LYST: variants seen among roughly 807,000 people sequenced by gnomAD.
LYST encodes lysosomal-trafficking regulator.
In LYST, 192 loss-of-function variants were observed where a neutral mutation model predicts 413.6. The observed-to-expected ratio is 0.46, with a 90% CI of 0.41 to 0.52. The LOEUF (loss-of-function observed/expected upper bound fraction) is 0.52. LYST is among the 20% of genes least tolerant of loss of function. The pLI is 0.00. For synonymous variants in LYST, 1,525 were observed against 1,567.3 expected, an observed-to-expected ratio of 0.97 and a Z score of 0.64; for missense variants, 3,815 against 4,499.9, an observed-to-expected ratio of 0.85 and a Z score of 4.35.
At chr1:235,866,016 C>T (rs1680462119) in intron 1 of LYST, among the ~76,000 whole-genome samples, 1 of 152,098 alleles carries the variant, frequency 6.6e-6, no homozygotes, top group South Asian at 2.1e-4. Context: ...CCGAGCGGAT[C>T]GGGGATGTTT....
At position 235,720,762 on chromosome 1, in the gene LYST, A is replaced by G. The variant is rs1348966605; in HGVS notation, c.9459T>C (p.Ala3153=). The change falls in exon 40 of 53, where the codon GCT becomes GCC. Residue 3153 remains alanine (A), a synonymous_variant. Coordinates refer to ENST00000389793, the MANE Select transcript of LYST (RefSeq NM_000081.4). Reference sequence around the variant, plus strand: ...GCATGAGATCATTGAAGGATCGGCCAGCATGTTTGTTTAAGTGAGTCAAAT... The same window carrying G: ...GCATGAGATCATTGAAGGATCGGCCGGCATGTTTGTTTAAGTGAGTCAAAT... ...FEYLTHLNKH[A]GRSFNDLMQY... 1 of 1,614,166 alleles carries G rather than the reference A, an allele frequency of 6.2e-7. No individual in the cohort carries two copies. The highest frequency in any genetic ancestry group is 8.5e-7 in the Non-Finnish European group (1 of 1,180,010).
chr1:235,688,478 A>T (rs1356455247), intron 47 of LYST, among the ~76,000 whole-genome samples: 3 of 152,200 alleles, frequency 2.0e-5, no homozygotes, highest in Non-Finnish European at 4.4e-5. Context: ...AGAAGGCTGG[A>T]GACACCACTT....
intron 43 of LYST, 103 bp from the exon 44 acceptor site, chr1:235,709,411 A>G (rs1308771616): frequency 2.2e-6 from 2 of 908,494 alleles, no homozygotes; most frequent in Non-Finnish European, 3.5e-6. Flanking sequence ...TTTGTGTGCT[A>G]CAACCAAAAA....
chr1:235,732,605 G>A (rs1664480586), intron 34 of LYST, among the ~76,000 whole-genome samples: 3 of 152,212 alleles, frequency 2.0e-5, no homozygotes, highest in Non-Finnish European at 2.9e-5. Flanking sequence ...AGTAAGGACA[G>A]CTAATATCCT....
chr1:235,714,864 T>G (rs1662699672), intron 42 of LYST, among the ~76,000 whole-genome samples: 1 of 152,210 alleles, frequency 6.6e-6, no homozygotes, highest in Non-Finnish European at 1.5e-5. Flanking sequence ...GGATTTGAAA[T>G]AAGTATTAGG....
intron 1 of LYST, among the ~76,000 whole-genome samples, chr1:235,852,606 T>C (rs1188504302): frequency 1.3e-5 from 2 of 152,220 alleles, no homozygotes; most frequent in Admixed American, 1.3e-4. Flanking sequence ...AACACAGTCA[T>C]ATGTAAGACG....
intron 3 of LYST, among the ~76,000 whole-genome samples, chr1:235,816,031 G>A (rs536363402): frequency 4.8e-5 from 7 of 144,566 alleles, no homozygotes; most frequent in Admixed American, 1.4e-4. Context: ...TCAGGAGGTT[G>A]AGGCAGAAGA....
At chr1:235,851,745 C>T (rs1481211502) in intron 1 of LYST, among the ~76,000 whole-genome samples, 3 of 151,894 alleles carry the variant, frequency 2.0e-5, no homozygotes, top group Non-Finnish European at 2.9e-5. Context: ...CTGGTACTCA[C>T]TAAATAGGGG....
At chr1:235,810,646 T>C (rs1273491035) in intron 4 of LYST, 112 bp from the exon 5 acceptor site, 9 of 948,472 alleles carry the variant, frequency 9.5e-6, no homozygotes, top group Non-Finnish European at 1.5e-5. Flanking sequence ...TTATCCTCAA[T>C]GTATTTTGCT....
intron 1 of LYST, among the ~76,000 whole-genome samples, chr1:235,847,613 T>G (rs1462923837): frequency 1.3e-5 from 2 of 152,126 alleles, no homozygotes; most frequent in East Asian, 3.9e-4. Context: ...AACCACAGAA[T>G]GGATAAGAAT....
At chr1:235,737,941 C>G in intron 31 of LYST, 5 of 1,208,770 alleles carry the variant, frequency 4.1e-6, no homozygotes, top group Admixed American at 4.2e-5. Context: ...GCCGCGTGCC[C>G]CAACACCCGC....
At chr1:235,744,898 A>G (rs1334832721) in intron 29 of LYST, among the ~76,000 whole-genome samples, 4 of 120,872 alleles carry the variant, frequency 3.3e-5, no homozygotes, top group African/African-American at 1.4e-4. Context: ...ATCTCAAAAA[A>G]AAAAAGAAAA....
At chr1:235,805,245 G>A (rs1336672261) in intron 6 of LYST, among the ~76,000 whole-genome samples, 2 of 152,186 alleles carry the variant, frequency 1.3e-5, no homozygotes, top group Non-Finnish European at 2.9e-5. Context: ...GGTTTTAGGA[G>A]AAGTCTCGTC....
rs140698096 is a variant in LYST at position 235,809,502 on chromosome 1, T to C, written c.1316A>G (p.His439Arg). ...TGTTTCAAATAAATTAAATCCATGA[T>C]GCTGAATGAATTCTTGAACCAAATC... ...AMDLVQEFIQHHGFNLFETAV... is the reference protein window; with the variant it reads ...AMDLVQEFIQRHGFNLFETAV... Residue 439 changes from histidine to arginine, a missense_variant, in exon 5 of 53, where the codon CAT (histidine) becomes CGT (arginine). This residue lies in a region of LYST where 1,648 missense variants were observed against 1,810.3 expected (regional missense o/e 0.91). Coordinates refer to ENST00000389793, the MANE Select transcript of LYST (RefSeq NM_000081.4). This position sits in a 1 kb window ranked among gnomAD's most constrained non-coding sequence, Gnocchi z 4.0. 2.5e-6 allele frequency: 4 copies of C among 1,614,068 alleles called. No individual in the cohort carries two copies. The African/African-American group carries it at 4.0e-5, about 16-fold the overall frequency.
chr1:235,805,876 T>C lies in LYST; in HGVS notation c.3260A>G (p.Glu1087Gly). 6.2e-7 allele frequency: 1 copy of C among 1,613,804 alleles called. No homozygotes were observed. The highest frequency in any genetic ancestry group is 8.5e-7 in the Non-Finnish European group (1 of 1,179,916). Residue 1087 changes from glutamate (E) to glycine (G), a missense_variant, in exon 6 of 53, where the codon GAA (glutamate) becomes GGA (glycine). Physicochemically the swap from Glu to Gly is moderately conservative, Grantham distance 98 (BLOSUM62 -2). Coordinates refer to ENST00000389793, the MANE Select transcript of LYST (RefSeq NM_000081.4). ...TTCTTGACTTGTAAATAGCTTTGCT[T>C]CCTCGGGAGCGGCTTCAGTAGCTGA... ...EVSATEAAPE[E>G]AKLFTSQESE...
At chr1:235,741,818 T>C (rs113076324) in intron 30 of LYST, among the ~76,000 whole-genome samples, 190 bp from the exon 31 acceptor site, 2 of 152,150 alleles carry the variant, frequency 1.3e-5, no homozygotes, top group African/African-American at 2.4e-5. Context: ...ACAACATTCA[T>C]AGCAGCATCA....
At chr1:235,789,027 G>C (rs949539415) in intron 12 of LYST, among the ~76,000 whole-genome samples, 182 bp from the exon 13 acceptor site, 4 of 152,104 alleles carry the variant, frequency 2.6e-5, no homozygotes, top group African/African-American at 4.8e-5. Flanking sequence ...CTCCAAAAAA[G>C]CACGAGGGAT....
At chr1:235,751,164 A>C (rs1666455775) in intron 28 of LYST, 46 bp downstream of exon 28, 2 of 1,574,536 alleles carry the variant, frequency 1.3e-6, no homozygotes, top group East Asian at 4.5e-5. Flanking sequence ...AGGAAAGTCA[A>C]GCTAGCCTCA....
intron 32 of LYST, 29 bp downstream of exon 32, chr1:235,734,453 TA>T: frequency 6.3e-7 from 1 of 1,580,700 alleles, no homozygotes; most frequent in Non-Finnish European, 8.7e-7. Context: ...TGGAATCTCC[TA>T]AGAAAGTACT....
Sources: gnomAD v4.1 joint callset for allele counts (sites outside exome capture counted in the v4.1 genomes callset) on GRCh38, gnomAD v4.1.1 for gene constraint, gnomAD v4.1.1 regional missense constraint, Gnocchi (gnomAD v3.1) non-coding constraint, MANE v1.5 for transcripts, NCBI Gene and HGNC (gene_info 2026-07-23, HGNC 2026-07-21) for gene names.